KCNC1: variants seen among roughly 807,000 people sequenced by gnomAD.
The protein encoded by KCNC1 is potassium voltage-gated channel subfamily C member 1, also known as voltage-gated potassium channel KCNC1.
Under a neutral mutation model 43.4 loss-of-function variants are expected in KCNC1, and 8 were observed. The observed-to-expected ratio is 0.18, with a 90% CI of 0.11 to 0.33. The LOEUF is 0.33. Ranked by LOEUF, KCNC1 falls within the 10% of genes least tolerant of loss-of-function variation. The pLI is 1.00. For synonymous variants in KCNC1, 361 were observed against 360.5 expected, an observed-to-expected ratio of 1.00 and a Z score of -0.01; for missense variants, 420 against 836.0, an observed-to-expected ratio of 0.50 and a Z score of 6.14.
At chr11:17,774,451 C>T in intron 2 of KCNC1, 1 of 985,556 alleles carries the variant, frequency 1.0e-6, no homozygotes, top group Non-Finnish European at 1.2e-6. Flanking sequence ...ATCCCCAGTG[C>T]TCTCCAGGCA....
chr11:17,761,584 T>C (rs1034722360), intron 1 of KCNC1, among the ~76,000 whole-genome samples: 2 of 152,196 alleles, frequency 1.3e-5, no homozygotes, highest in Non-Finnish European at 2.9e-5. Context: ...GCCATAGGCA[T>C]ATGGTTCGTG....
chr11:17,738,518 C>T (rs887832495), intron 1 of KCNC1, among the ~76,000 whole-genome samples: 2 of 152,154 alleles, frequency 1.3e-5, no homozygotes, highest in African/African-American at 4.8e-5. Flanking sequence ...GCTGAGTCCC[C>T]CAGCCCCACC....
intron 1 of KCNC1, among the ~76,000 whole-genome samples, chr11:17,751,032 T>A (rs897480058): frequency 1.3e-5 from 2 of 152,182 alleles, no homozygotes; most frequent in Non-Finnish European, 2.9e-5. Context: ...TATGTGCCCC[T>A]GTGAGGTGGA....
chr11:17,759,877 A>T (rs539891860), intron 1 of KCNC1, among the ~76,000 whole-genome samples: 2 of 152,370 alleles, frequency 1.3e-5, no homozygotes, highest in African/African-American at 4.8e-5. Flanking sequence ...AGAGACAAAA[A>T]GTGAGCATAT....
In KCNC1 at chr11:17,781,636, A is replaced by G. The variant is rs1167040915; in HGVS notation, c.1694-34A>G. 2 of 1,445,112 alleles carry G rather than the reference A, an allele frequency of 1.4e-6. No individual in the cohort carries two copies. Among genetic ancestry groups the G allele is most frequent in the South Asian group, 2.5e-5 (2 of 81,316 alleles). The allele number at this position is 1,445,112 out of a possible 1,614,324, so 89.5% of individuals were successfully genotyped here. On this transcript the variant is annotated intron_variant, in intron 3 of 3. Coordinates refer to ENST00000265969, the MANE Select transcript of KCNC1 (RefSeq NM_001112741.2). This position sits in a 1 kb window ranked among gnomAD's most constrained non-coding sequence, Gnocchi z 5.1. ...AGCGGGATGGGAGAGCCAAGAAGAG[A>G]AGCTCAAGTGTTAATTGTATTCTTT...
At position 17,779,841 on chromosome 11, in the gene KCNC1, G is replaced by C; in HGVS notation, c.1693+197G>C. ...CCAAGTGAGATGTCAGGCTGGCAGAGAGAACTTGAGGCCCTGGCAGCTGTG... is the reference window on the plus strand; with the variant it reads ...CCAAGTGAGATGTCAGGCTGGCAGACAGAACTTGAGGCCCTGGCAGCTGTG... On this transcript the variant is annotated intron_variant, in intron 3 of 3. Coordinates refer to ENST00000265969, the MANE Select transcript of KCNC1 (RefSeq NM_001112741.2). The surrounding 1 kb of genome is among the most constrained non-coding windows in gnomAD (Gnocchi z 7.2). 4.5e-6 allele frequency: 2 copies of C among 444,698 alleles called. No individual in the cohort carries two copies. Among genetic ancestry groups the C allele is most frequent in the Non-Finnish European group, 7.8e-6 (2 of 255,268 alleles). 27.5% of individuals were successfully genotyped at this position (444,698 alleles called of 1,614,324 possible).
chr11:17,776,549 G>A lies in KCNC1; in HGVS notation c.1505-2907G>A, dbSNP rs11024396. On this transcript the variant is annotated intron_variant, in intron 2 of 3. Transcript: ENST00000265969. This position sits in a 1 kb window ranked among gnomAD's most constrained non-coding sequence, Gnocchi z 4.4. ...TTTAAAAAAAAATGACCCTCTCGCA[G>A]ATGCTCATCTCAGCCCATTTCAAGC... 1.0e-6 allele frequency: 1 copy of A among 985,376 alleles called. No individual in the cohort carries two copies. The highest frequency in any genetic ancestry group is 6.1e-5 in the Admixed American group (1 of 16,268). The allele number at this position is 985,376 out of a possible 1,614,324, so 61.0% of individuals were successfully genotyped here.
intron 1 of KCNC1, among the ~76,000 whole-genome samples, chr11:17,745,677 C>T (rs1848890815): frequency 6.6e-6 from 1 of 152,152 alleles, no homozygotes; most frequent in Non-Finnish European, 1.5e-5. Context: ...TCCCTCCCTC[C>T]CCCAGCCTCC....
rs1274384062 is a variant in KCNC1, at chr11:17,757,753, G to A, written c.571-13912G>A. ...TACTATACTGTACATTATTAATTGT[G>A]CAATAGCATTATGTCTAAAAATGTA... On this transcript the variant is annotated intron_variant, in intron 1 of 3. Transcript: ENST00000265969. Among the ~76,000 whole-genome samples the A allele has an allele frequency of 5.9e-5, 9 of 152,164 alleles. No homozygotes were observed. The East Asian group carries it at 1.7e-3, about 29-fold the overall frequency.
At chr11:17,754,486 A>G (rs1849002617) in intron 1 of KCNC1, among the ~76,000 whole-genome samples, 1 of 152,238 alleles carries the variant, frequency 6.6e-6, no homozygotes. Flanking sequence ...GGCAGCAAGC[A>G]CCAGCCGCCG....
chr11:17,735,900 G>T lies in KCNC1; in HGVS notation c.-103G>T, dbSNP rs1372208239. 7.8e-7 allele frequency: 1 copy of T among 1,278,532 alleles called. No individual in the cohort carries two copies. Among genetic ancestry groups the T allele is most frequent in the South Asian group, 1.8e-5 (1 of 57,098 alleles). 79.2% of individuals were successfully genotyped at this position (1,278,532 alleles called of 1,614,324 possible). A position where few individuals can be genotyped will look rare whatever the true frequency, so the allele number is the denominator to read the frequency against. ...CTCTGTTCCCCCCGACGGCTGGGGGGAGGGGGGAAGAGGGCGCGCGCCCCC... is the reference window on the plus strand; with the variant it reads ...CTCTGTTCCCCCCGACGGCTGGGGGTAGGGGGGAAGAGGGCGCGCGCCCCC... On this transcript the variant is annotated 5_prime_UTR_variant, in exon 1 of 4. Transcript: ENST00000265969. This position sits in a 1 kb window ranked among gnomAD's most constrained non-coding sequence, Gnocchi z 6.7.
In KCNC1 at chr11:17,736,481, C is replaced by G. The variant is rs1235004607; in HGVS notation, c.479C>G (p.Ser160Cys). 1 of 1,596,696 alleles carries G rather than the reference C, an allele frequency of 6.3e-7. No individual in the cohort carries two copies. Among genetic ancestry groups the G allele is most frequent in the Non-Finnish European group, 8.5e-7 (1 of 1,176,116 alleles). ...ACCAAGCGCCTGGCGCTCAGTGACT[C>G]CCCGGATGGCCGGCCTGGCGGCTTT... ...EMTKRLALSD[S>C]PDGRPGGFWR... Residue 160 changes from serine to cysteine, a missense_variant, in exon 1 of 4, where the codon TCC becomes TGC. Transcript: ENST00000265969. The surrounding 1 kb of genome is among the most constrained non-coding windows in gnomAD (Gnocchi z 9.3).
chr11:17,775,281 T>TACCACCCCCC, intron 2 of KCNC1: 1 of 935,848 alleles, frequency 1.1e-6, no homozygotes, highest in Non-Finnish European at 1.3e-6. Context: ...TCTGAGGGCA[T>TACCACCCCCC]CCCTCCCGCC....
chr11:17,773,283 T>C lies in KCNC1; in HGVS notation c.1504+685T>C. The C allele has an allele frequency of 1.0e-6, 1 of 985,448 alleles. No individual in the cohort carries two copies. The highest frequency in any genetic ancestry group is 1.2e-6 in the Non-Finnish European group (1 of 829,962). 61.0% of individuals were successfully genotyped at this position (985,448 alleles called of 1,614,324 possible). On this transcript the variant is annotated intron_variant, in intron 2 of 3. Coordinates refer to ENST00000265969, the MANE Select transcript of KCNC1 (RefSeq NM_001112741.2). This position sits in a 1 kb window ranked among gnomAD's most constrained non-coding sequence, Gnocchi z 4.1. ...CATCTTCTACCACCACTCTAGAGTTTAGCCTTTATCTTTAGGAACCTGTTG... is the reference window on the plus strand; with the variant it reads ...CATCTTCTACCACCACTCTAGAGTTCAGCCTTTATCTTTAGGAACCTGTTG...
intron 1 of KCNC1, among the ~76,000 whole-genome samples, chr11:17,765,218 A>G (rs928526871): frequency 7.2e-5 from 11 of 152,242 alleles, no homozygotes; most frequent in African/African-American, 2.7e-4. Context: ...TGGTCCCTGC[A>G]CCACGTTACA....
chr11:17,773,391 GC>G lies in KCNC1; in HGVS notation c.1504+794del. The G allele has an allele frequency of 1.0e-6, 1 of 985,410 alleles. No individual in the cohort carries two copies. Among genetic ancestry groups the G allele is most frequent in the African/African-American group, 1.7e-5 (1 of 57,318 alleles). 61.0% of individuals were successfully genotyped at this position (985,410 alleles called of 1,614,324 possible). Reference sequence around the variant, plus strand: ...GTGACCCGATGGAAGCGGCTGCCGAGCAAAAGACTAGAGGGGGCCACCACCC... The same window carrying G: ...GTGACCCGATGGAAGCGGCTGCCGAGAAAAGACTAGAGGGGGCCACCACCC... On this transcript the variant is annotated intron_variant, in intron 2 of 3. Transcript: ENST00000265969. The surrounding 1 kb of genome is among the most constrained non-coding windows in gnomAD (Gnocchi z 4.1).
At position 17,772,796 on chromosome 11, in the gene KCNC1, C is replaced by A. The variant is rs560907346; in HGVS notation, c.1504+198C>A. The stretch of plus-strand genomic sequence containing the variant: ...AGCAGGCAAGAGCCTGCTAGAGGAA[C>A]CTCACTGGTGCCCCTGGGTAAGGAG... On this transcript the variant is annotated intron_variant, in intron 2 of 3. Transcript: ENST00000265969. The A allele has an allele frequency of 1.9e-5, 28 of 1,457,534 alleles. No individual in the cohort carries two copies. The African/African-American group carries it at 2.3e-4, about 12-fold the overall frequency. 90.3% of individuals were successfully genotyped at this position (1,457,534 alleles called of 1,614,324 possible). A position where few individuals can be genotyped will look rare whatever the true frequency, so the allele number is the denominator to read the frequency against.
rs2133805555 is a variant in KCNC1, at chr11:17,772,513, A to T, written c.1419A>T (p.Lys473Asn). 1 of 1,614,196 alleles carries T rather than the reference A, an allele frequency of 6.2e-7. No individual in the cohort carries two copies. Among genetic ancestry groups the T allele is most frequent in the Middle Eastern group, 1.6e-4 (1 of 6,062 alleles). ...AGCTGGGATCTCCCAATTATTGTAA[A>T]TCTGTCGTAAACTCTCCACACCACA... ...PPQLGSPNYCKSVVNSPHHST... is the reference protein window; with the variant it reads ...PPQLGSPNYCNSVVNSPHHST... The change falls in exon 2 of 4, where the codon AAA (lysine) becomes AAT (asparagine). Residue 473 changes from lysine to asparagine, a missense_variant. Around this residue, in one of 5 missense-constraint regions of KCNC1, gnomAD observed 147 missense variants for 176.1 expected, o/e 0.83. Coordinates refer to ENST00000265969, the MANE Select transcript of KCNC1 (RefSeq NM_001112741.2).
At chr11:17,775,849 C>T in intron 2 of KCNC1, 2 of 985,490 alleles carry the variant, frequency 2.0e-6, no homozygotes, top group South Asian at 9.4e-5. Context: ...GAAGCCCCCG[C>T]CTGGGCTCCC....
Sources: gnomAD v4.1 joint callset for allele counts (sites outside exome capture counted in the v4.1 genomes callset) on GRCh38, gnomAD v4.1.1 for gene constraint, gnomAD v4.1.1 regional missense constraint, Gnocchi (gnomAD v3.1) non-coding constraint, MANE v1.5 for transcripts, NCBI Gene and HGNC (gene_info 2026-07-23, HGNC 2026-07-21) for gene names.